The following CABLES1 variants were observed in gnomAD, a reference collection of about 807,000 sequenced individuals.
CABLES1 encodes CDK5 and ABL1 enzyme substrate 1.
A neutral mutation model predicts 57.8 loss-of-function variants in CABLES1; 36 were observed. That is an observed-to-expected ratio of 0.62 (90% CI 0.48 to 0.82). The LOEUF (loss-of-function observed/expected upper bound fraction) is 0.82, where lower values mean the gene tolerates loss of function less well. Among genes scored for constraint, CABLES1 ranks in the 40% least tolerant of loss-of-function variants. CABLES1 has a pLI of 0.00. For synonymous variants in CABLES1, 374 were observed against 363.0 expected, an observed-to-expected ratio of 1.03 and a Z score of -0.35; for missense variants, 767 against 836.6, an observed-to-expected ratio of 0.92 and a Z score of 1.03.
At chr18:23,146,737 G>C (rs1402412264) in intron 1 of CABLES1, among the ~76,000 whole-genome samples, 1 of 133,676 alleles carries the variant, frequency 7.5e-6, no homozygotes, top group Non-Finnish European at 1.6e-5. Flanking sequence ...CAATGTGGTA[G>C]CTGTTTTATG....
At chr18:23,141,693 G>C (rs547989542) in intron 1 of CABLES1, among the ~76,000 whole-genome samples, 1 of 152,212 alleles carries the variant, frequency 6.6e-6, no homozygotes, top group African/African-American at 2.4e-5. Flanking sequence ...CAATGTGGGC[G>C]AGCTCAGGAG....
intron 7 of CABLES1, among the ~76,000 whole-genome samples, chr18:23,252,085 C>CAAAA (rs1000418698): frequency 1.4e-5 from 1 of 72,330 alleles, no homozygotes; most frequent in Non-Finnish European, 2.8e-5. Context: ...GACTCCGTCT[C>CAAAA]AAAAAAAAAA....
At chr18:23,176,447 C>T (rs1262640851) in intron 1 of CABLES1, among the ~76,000 whole-genome samples, 1 of 152,164 alleles carries the variant, frequency 6.6e-6, no homozygotes, top group African/African-American at 2.4e-5. Context: ...GCCCCCATTC[C>T]TAATAGGCCG....
At position 23,172,443 on chromosome 18, in the gene CABLES1, G is replaced by A. The variant is rs147256392; in HGVS notation, c.846-16395G>A. ...TCCACAGATCCCCAAGAGGTCGAGA[G>A]ATCCCAGTTGAAGGATCTTGCTCTA... On this transcript the variant is annotated intron_variant, in intron 1 of 9. Transcript: ENST00000256925. 4.3e-3 allele frequency among the ~76,000 whole-genome samples: 650 copies of A among 152,318 alleles called. 3 individuals carry two copies. Among genetic ancestry groups the A allele is most frequent in the South Asian group, 0.017 (82 of 4,828 alleles).
chr18:23,208,415 C>T (rs988428310), intron 3 of CABLES1, among the ~76,000 whole-genome samples: 5 of 152,182 alleles, frequency 3.3e-5, no homozygotes, highest in African/African-American at 1.2e-4. Context: ...ATGCCATTGC[C>T]AGCTCTTCAG....
At chr18:23,212,328 A>G (rs897200075) in intron 3 of CABLES1, among the ~76,000 whole-genome samples, 3 of 152,230 alleles carry the variant, frequency 2.0e-5, no homozygotes, top group Non-Finnish European at 4.4e-5. Context: ...CAGCATTCCA[A>G]TAAGATAGTT....
chr18:23,258,459 A>G lies in CABLES1; in HGVS notation c.*1092A>G, dbSNP rs2048219519. On this transcript the variant is annotated 3_prime_UTR_variant, in exon 10 of 10. Coordinates refer to ENST00000256925, the MANE Select transcript of CABLES1 (RefSeq NM_001100619.3). ...AAGGAGGCGGTGGCTCTTTCTTAAC[A>G]TTCCCACGTGCCCAGGGCTGTTCAT... 1 of 152,110 alleles carries G rather than the reference A, an allele frequency of 6.6e-6. No homozygotes were observed. The highest frequency in any genetic ancestry group is 2.4e-5 in the African/African-American group (1 of 41,412). The allele number at this position is 152,110 out of a possible 1,614,324, so 9.4% of individuals were successfully genotyped here. A position where few individuals can be genotyped will look rare whatever the true frequency, so the allele number is the denominator to read the frequency against.
chr18:23,226,660 C>T (rs895673180), intron 4 of CABLES1, among the ~76,000 whole-genome samples: 5 of 152,158 alleles, frequency 3.3e-5, no homozygotes, highest in African/African-American at 9.7e-5. Context: ...TTCTAGAGCA[C>T]GACCCACTGG....
chr18:23,235,246 C>CA (rs1343289021), intron 5 of CABLES1, among the ~76,000 whole-genome samples: 1 of 152,200 alleles, frequency 6.6e-6, no homozygotes, highest in African/African-American at 2.4e-5. Context: ...TCAACCCTTT[C>CA]AAAATCTGTG....
chr18:23,213,478 T>A (rs1470385702), intron 3 of CABLES1, among the ~76,000 whole-genome samples: 1 of 152,224 alleles, frequency 6.6e-6, no homozygotes, highest in Non-Finnish European at 1.5e-5. Flanking sequence ...ATTGTTCCCT[T>A]AATCTATTCT....
At chr18:23,219,286 C>A (rs975007838) in intron 4 of CABLES1, 3 of 454,126 alleles carry the variant, frequency 6.6e-6, no homozygotes, top group East Asian at 1.4e-4. Flanking sequence ...AGCTAGTAAA[C>A]CAATCATCAA....
intron 1 of CABLES1, among the ~76,000 whole-genome samples, chr18:23,178,532 G>T (rs2047141437): frequency 6.6e-6 from 1 of 152,206 alleles, no homozygotes; most frequent in Admixed American, 6.5e-5. Context: ...CTTCCCTCTA[G>T]ACCCTTTGTC....
intron 3 of CABLES1, among the ~76,000 whole-genome samples, chr18:23,202,382 AG>A (rs375372376): frequency 1.7e-4 from 26 of 152,326 alleles, no homozygotes; most frequent in African/African-American, 6.3e-4. Context: ...CAAAGAAGAG[AG>A]GTGGCTGGCG....
intron 7 of CABLES1, among the ~76,000 whole-genome samples, chr18:23,248,540 A>ATTT (rs1314623279): frequency 1.0e-4 from 6 of 58,732 alleles, no homozygotes; most frequent in African/African-American, 4.2e-4. Context: ...TTTTTTTTTA[A>ATTT]AAAAAGGCTG....
chr18:23,256,415 T>C (rs992019113), intron 9 of CABLES1, among the ~76,000 whole-genome samples: 8 of 152,232 alleles, frequency 5.3e-5, no homozygotes, highest in East Asian at 3.8e-4. Flanking sequence ...CTGAACTACA[T>C]AGAATCAGTG....
In CABLES1 at chr18:23,136,380, G is replaced by T. The variant is rs1484034854; in HGVS notation, c.618G>T (p.Glu206Asp). 2 of 1,553,028 alleles carry T rather than the reference G, an allele frequency of 1.3e-6. No homozygotes were observed. Among genetic ancestry groups the T allele is most frequent in the East Asian group, 2.5e-5 (1 of 39,254 alleles). The change falls in exon 1 of 10, where the codon GAG becomes GAT. Residue 206 changes from glutamate (E) to aspartate (D), a missense_variant. Glu to Asp is a conservative substitution (Grantham distance 45). Coordinates refer to ENST00000256925, the MANE Select transcript of CABLES1 (RefSeq NM_001100619.3). ...ACGGGTCCGGGGCCGCCGGGCAGGAGGAGTTGGAGGAGGACGATGCCTTTA... is the reference window on the plus strand; with the variant it reads ...ACGGGTCCGGGGCCGCCGGGCAGGATGAGTTGGAGGAGGACGATGCCTTTA... The part of the protein sequence containing the change: ...LLDGSGAAGQ[E>D]ELEEDDAFIS...
chr18:23,230,315 T>C (rs2047558177), intron 4 of CABLES1, among the ~76,000 whole-genome samples: 1 of 152,196 alleles, frequency 6.6e-6, no homozygotes, highest in East Asian at 1.9e-4. Context: ...GAGCTTGCAG[T>C]GAGCTGAGAT....
chr18:23,171,765 G>A (rs2047083978), intron 1 of CABLES1, among the ~76,000 whole-genome samples: 1 of 152,170 alleles, frequency 6.6e-6, no homozygotes, highest in Admixed American at 6.5e-5. Context: ...TGCGTCCTTA[G>A]AGGAACTCTG....
Position 23,170,905 on chromosome 18 carries a change from T to C in CABLES1, c.846-17933T>C, listed in dbSNP as rs146117333. On this transcript the variant is annotated intron_variant, in intron 1 of 9. Transcript: ENST00000256925. The stretch of plus-strand genomic sequence containing the variant: ...TCCGCCTCCCAGGCTCCAGCGATTC[T>C]GGTGCCTCAGCCTCCCGAGTAGCTG... Among the ~76,000 whole-genome samples the C allele has an allele frequency of 3.2e-3, 493 of 152,310 alleles. 2 individuals are homozygous for C. Among genetic ancestry groups the C allele is most frequent in the African/African-American group, 0.011 (470 of 41,580 alleles).
Sources: gnomAD v4.1 joint callset for allele counts (sites outside exome capture counted in the v4.1 genomes callset) on GRCh38, gnomAD v4.1.1 for gene constraint, MANE v1.5 for transcripts, NCBI Gene and HGNC (gene_info 2026-07-23, HGNC 2026-07-21) for gene names.